ERCC6L: variants seen among roughly 807,000 people sequenced by gnomAD.
ERCC6L encodes ERCC excision repair 6 like, spindle assembly checkpoint helicase.
ERCC6L carries 7 observed loss-of-function variants against 20.1 expected under a neutral mutation model. The ratio of observed to expected loss-of-function variants is 0.35; its 90% confidence interval spans 0.20 to 0.65. The LOEUF is 0.65. ERCC6L is among the 30% of genes least tolerant of loss of function. The pLI is 0.69. For synonymous variants in ERCC6L, 278 were observed against 331.3 expected (o/e 0.84, Z 1.75); for missense variants, 592 against 892.4 (o/e 0.66, Z 4.29).
chrX:72,238,955 C>T lies in ERCC6L; in HGVS notation c.-44G>A, dbSNP rs41298504. The T allele has an allele frequency of 0.072, 67,154 of 933,102 alleles. 4,488 individuals are homozygous for T. The highest frequency in any genetic ancestry group is 0.47 in the East Asian group (13,685 of 28,952). The allele number at this position is 933,102 out of a possible 1,213,427, so 76.9% of individuals were successfully genotyped here. A position where few individuals can be genotyped will look rare whatever the true frequency, so the allele number is the denominator to read the frequency against. Reference sequence around the variant, plus strand: ...CAGTTACCCCGGCGGGAGTTTGGAGCTTGGAGCTTGGAGCTTGGAGCTTGG... The same window carrying T: ...CAGTTACCCCGGCGGGAGTTTGGAGTTTGGAGCTTGGAGCTTGGAGCTTGG... On this transcript the variant is annotated 5_prime_UTR_variant, in exon 1 of 2. Transcript: ENST00000334463.
Position 72,214,578 on chromosome X carries a change from C to T in ERCC6L, c.69-5880G>A, listed in dbSNP as rs758817123. On this transcript the variant is annotated intron_variant, in intron 1 of 1. Coordinates refer to ENST00000334463, the MANE Select transcript of ERCC6L (RefSeq NM_017669.4). The stretch of plus-strand genomic sequence containing the variant: ...ATCCCATCTACTCTGGAGGCAAAGG[C>T]AGGAGAATCATGTGAACCAGGGAGG... Among the ~76,000 whole-genome samples, 5 of 105,322 alleles carry T rather than the reference C, an allele frequency of 4.7e-5. No individual in the cohort carries two copies. The South Asian group carries it at 2.2e-3, about 46-fold the overall frequency. 91.5% of individuals were successfully genotyped at this position (105,322 alleles called of 115,157 possible).
At position 72,233,721 on chromosome X, in the gene ERCC6L, C is replaced by CAAAA. The variant is rs35310682; in HGVS notation, c.68+5119_68+5122dup. On this transcript the variant is annotated intron_variant, in intron 1 of 1. Transcript: ENST00000334463. ...CGGATGACACTGCAAGACTCCGTCT[C>CAAAA]AAAAAAAAAAAATTTGAATATGGAC... 1.3e-3 allele frequency among the ~76,000 whole-genome samples: 120 copies of CAAAA among 89,705 alleles called. 1 individual carries two copies. The highest frequency in any genetic ancestry group is 5.4e-3 in the African/African-American group (117 of 21,747). The allele number at this position is 89,705 out of a possible 115,157, so 77.9% of individuals were successfully genotyped here. A position where few individuals can be genotyped will look rare whatever the true frequency, so the allele number is the denominator to read the frequency against.
At chrX:72,238,248 A>G (rs1421339516) in intron 1 of ERCC6L, among the ~76,000 whole-genome samples, 1 of 111,908 alleles carries the variant, frequency 8.9e-6, no homozygotes, top group Non-Finnish European at 1.9e-5. Flanking sequence ...AAAAATTTAA[A>G]TTCTCATCCC....
rs755337816 is a variant in ERCC6L, at chrX:72,205,188, C to T, written c.3579G>A (p.Ala1193=). 2.6e-5 allele frequency: 31 copies of T among 1,209,713 alleles called. No individual in the cohort carries two copies. The highest frequency in any genetic ancestry group is 8.8e-5 in the South Asian group (5 of 56,741). Residue 1193 remains alanine (A), a synonymous_variant, in exon 2 of 2, where the codon GCG becomes GCA. Coordinates refer to ENST00000334463, the MANE Select transcript of ERCC6L (RefSeq NM_017669.4). ...EQLVGSPQDK[A]AEATNDYETL... ...TCTCATAGTCATTTGTAGCCTCTGCCGCCTTATCCTGGGGAGAACCAACCA... is the reference window on the plus strand; with the variant it reads ...TCTCATAGTCATTTGTAGCCTCTGCTGCCTTATCCTGGGGAGAACCAACCA...
chrX:72,222,483 G>A (rs1305070625), intron 1 of ERCC6L, among the ~76,000 whole-genome samples: 2 of 110,586 alleles, frequency 1.8e-5, no homozygotes, highest in Admixed American at 9.7e-5. Context: ...GGCATCAGGC[G>A]ACAGAACCAC....
chrX:72,214,010 G>A (rs2042873070), intron 1 of ERCC6L, among the ~76,000 whole-genome samples: 1 of 112,413 alleles, frequency 8.9e-6, no homozygotes, highest in Admixed American at 9.4e-5. Flanking sequence ...GCATGTAGAT[G>A]CATTAGACAC....
chrX:72,230,107 G>A (rs2042975064), intron 1 of ERCC6L, among the ~76,000 whole-genome samples: 1 of 109,764 alleles, frequency 9.1e-6, no homozygotes, highest in South Asian at 4.0e-4. Flanking sequence ...CCCGGGAGGA[G>A]GAGCTTGCAG....
Position 72,207,238 on chromosome X carries a change from A to C in ERCC6L, c.1529T>G (p.Val510Gly). 2 of 1,211,909 alleles carry C rather than the reference A, an allele frequency of 1.7e-6. No individual in the cohort carries two copies. Among genetic ancestry groups the C allele is most frequent in the Non-Finnish European group, 2.2e-6 (2 of 895,536 alleles). ...HFKTLRIDGTVTHLLEREKRI... is the reference protein window; with the variant it reads ...HFKTLRIDGTGTHLLEREKRI... ...TTTTTCTCGTTCCAAAAGATGAGTAACTGTCCCATCGATTCGCAATGTCTT... is the reference window on the plus strand; with the variant it reads ...TTTTTCTCGTTCCAAAAGATGAGTACCTGTCCCATCGATTCGCAATGTCTT... The change falls in exon 2 of 2, where the codon GTT becomes GGT. Residue 510 changes from valine (V) to glycine (G), a missense_variant. Physicochemically the swap from Val to Gly is moderately radical, Grantham distance 109. Around this residue, in one of 3 missense-constraint regions of ERCC6L, gnomAD observed 196 missense variants for 440.1 expected, o/e 0.45. Coordinates refer to ENST00000334463, the MANE Select transcript of ERCC6L (RefSeq NM_017669.4).
Position 72,205,377 on chromosome X carries a change from C to G in ERCC6L, c.3390G>C (p.Gly1130=). 8.3e-7 allele frequency: 1 copy of G among 1,211,975 alleles called. No individual in the cohort carries two copies. The highest frequency in any genetic ancestry group is 1.7e-5 in the African/African-American group (1 of 57,862). ...AGGCTTCGCCACTGCTTTCCTCCACCCCTTCTTCTGGATAATCTTCAGGAC... is the reference window on the plus strand; with the variant it reads ...AGGCTTCGCCACTGCTTTCCTCCACGCCTTCTTCTGGATAATCTTCAGGAC... The part of the protein sequence containing the change: ...AKGPEDYPEE[G]VEESSGEASK... Residue 1130 remains glycine (G), a synonymous_variant, in exon 2 of 2, where the codon GGG becomes GGC. Coordinates refer to ENST00000334463, the MANE Select transcript of ERCC6L (RefSeq NM_017669.4).
intron 1 of ERCC6L, among the ~76,000 whole-genome samples, chrX:72,213,698 G>A (rs755472732): frequency 1.8e-5 from 2 of 112,050 alleles, no homozygotes; most frequent in East Asian, 2.8e-4. Context: ...CTAAGTGCCC[G>A]GGTTCGTCCT....
Position 72,205,361 on chromosome X carries a change from C to T in ERCC6L, c.3406G>A (p.Gly1136Ser). The T allele has an allele frequency of 3.3e-6, 4 of 1,211,941 alleles. No homozygotes were observed. Among genetic ancestry groups the T allele is most frequent in the Non-Finnish European group, 4.5e-6 (4 of 895,450 alleles). ...YPEEGVEESS[G>S]EASKYTEEDP... is the part of the protein sequence containing the mutation. ...TCTTCTGTATACTTGGAGGCTTCGC[C>T]ACTGCTTTCCTCCACCCCTTCTTCT... is the stretch of plus-strand genomic sequence containing the variant. Residue 1136 changes from glycine (G) to serine (S), a missense_variant, in exon 2 of 2, where the codon GGC becomes AGC. Coordinates refer to ENST00000334463, the MANE Select transcript of ERCC6L (RefSeq NM_017669.4).
At chrX:72,232,017 T>G (rs922961649) in intron 1 of ERCC6L, among the ~76,000 whole-genome samples, 1 of 107,590 alleles carries the variant, frequency 9.3e-6, no homozygotes, top group African/African-American at 3.4e-5. Flanking sequence ...AGTTCAAGAT[T>G]ACGGTGAACT....
chrX:72,235,122 T>C (rs1432489908), intron 1 of ERCC6L, among the ~76,000 whole-genome samples: 1 of 112,201 alleles, frequency 8.9e-6, no homozygotes, highest in African/African-American at 3.2e-5. Context: ...CAAAGTATTA[T>C]CTTTTATCTT....
In ERCC6L at chrX:72,205,076, T is replaced by A; in HGVS notation, c.3691A>T (p.Ser1231Cys). The change falls in exon 2 of 2, where the codon AGT (serine) becomes TGT (cysteine). Residue 1231 changes from serine (S) to cysteine (C), a missense_variant. Physicochemically the swap from Ser to Cys is moderately radical, Grantham distance 112. Coordinates refer to ENST00000334463, the MANE Select transcript of ERCC6L (RefSeq NM_017669.4). Reference sequence around the variant, plus strand: ...AAGAGCATAACTTCAGGATCTGCACTTTTTATGTCAAGCGCTTTAACTAAG... The same window carrying A: ...AAGAGCATAACTTCAGGATCTGCACATTTTATGTCAAGCGCTTTAACTAAG... ...NCLVKALDIK[S>C]ADPEVMLLTL... The A allele has an allele frequency of 8.3e-7, 1 of 1,211,044 alleles. No homozygotes were observed. The highest frequency in any genetic ancestry group is 1.1e-6 in the Non-Finnish European group (1 of 895,237).
rs1334765481 is a variant in ERCC6L, at chrX:72,207,562, G to A, written c.1205C>T (p.Ala402Val). 8.3e-7 allele frequency: 1 copy of A among 1,209,587 alleles called. No individual in the cohort carries two copies. The highest frequency in any genetic ancestry group is 1.1e-6 in the Non-Finnish European group (1 of 895,033). ...CAGCTTCTTTAAGACACCTAGCTCA[G>A]CCAAAGGTGAGCGCGTCTCCATTAG... is the stretch of plus-strand genomic sequence containing the variant. ...ELLMETRSPL[A>V]ELGVLKKLCD... Residue 402 changes from alanine (A) to valine (V), a missense_variant, in exon 2 of 2, where the codon GCT (alanine) becomes GTT (valine). Around this residue, in one of 3 missense-constraint regions of ERCC6L, gnomAD observed 196 missense variants for 440.1 expected, o/e 0.45. Coordinates refer to ENST00000334463, the MANE Select transcript of ERCC6L (RefSeq NM_017669.4).
Position 72,208,413 on chromosome X carries a change from A to G in ERCC6L, c.354T>C (p.Gly118=). Residue 118 remains glycine (G), a synonymous_variant, in exon 2 of 2, where the codon GGT becomes GGC. Transcript: ENST00000334463. ...CTAATCCCATATCATCAGCCAATATACCACCTTTTCTTCCATCCCTATACA... is the reference window on the plus strand; with the variant it reads ...CTAATCCCATATCATCAGCCAATATGCCACCTTTTCTTCCATCCCTATACA... ...YSLYRDGRKG[G]ILADDMGLGK... The G allele has an allele frequency of 2.5e-6, 3 of 1,211,813 alleles. No homozygotes were observed. Among genetic ancestry groups the G allele is most frequent in the South Asian group, 3.5e-5 (2 of 56,979 alleles).
At chrX:72,218,743 A>G (rs764512591) in intron 1 of ERCC6L, among the ~76,000 whole-genome samples, 26 of 111,585 alleles carry the variant, frequency 2.3e-4, no homozygotes, top group African/African-American at 8.5e-4. Flanking sequence ...AAGCCAGCTG[A>G]GATTTTCTTA....
In ERCC6L at chrX:72,208,095, A is replaced by G. The variant is rs755858395; in HGVS notation, c.672T>C (p.Tyr224=). The change falls in exon 2 of 2, where the codon TAT becomes TAC. Residue 224 remains tyrosine, a synonymous_variant. Coordinates refer to ENST00000334463, the MANE Select transcript of ERCC6L (RefSeq NM_017669.4). ...SFRGQEFVWD[Y]VILDEAHKIK... Reference sequence around the variant, plus strand: ...TTTTATGTGCTTCATCGAGGATGACATAGTCCCACACAAACTCTTGGCCCC... The same window carrying G: ...TTTTATGTGCTTCATCGAGGATGACGTAGTCCCACACAAACTCTTGGCCCC... 7 of 1,211,859 alleles carry G rather than the reference A, an allele frequency of 5.8e-6. No individual in the cohort carries two copies. The South Asian group carries it at 1.2e-4, about 21-fold the overall frequency.
intron 1 of ERCC6L, among the ~76,000 whole-genome samples, chrX:72,233,057 AGG>A (rs2042994919): frequency 8.9e-6 from 1 of 111,796 alleles, no homozygotes. Flanking sequence ...CCTCATCATA[AGG>A]GGGAAATGCA....
Sources: gnomAD v4.1 joint callset for allele counts (sites outside exome capture counted in the v4.1 genomes callset) on GRCh38, gnomAD v4.1.1 for gene constraint, gnomAD v4.1.1 regional missense constraint, MANE v1.5 for transcripts, NCBI Gene and HGNC (gene_info 2026-07-23, HGNC 2026-07-21) for gene names.